The following TCF4 variants were observed in gnomAD, a reference collection of about 807,000 sequenced individuals.
The protein encoded by TCF4 is SL3-3 enhancer factor 2.
Under a neutral mutation model 82.1 loss-of-function variants are expected in TCF4, and 3 were observed. The observed-to-expected ratio is 0.04, with a 90% confidence interval of 0.02 to 0.09. TCF4 has a LOEUF of 0.09. Among genes scored for constraint, TCF4 ranks in the 10% least tolerant of loss-of-function variants. TCF4 has a pLI of 1.00. For missense variants in TCF4, 518 were observed against 852.7 expected, an observed-to-expected ratio of 0.61 and a Z score of 4.89; for synonymous variants, 276 against 309.6, an observed-to-expected ratio of 0.89 and a Z score of 1.14.
At chr18:55,533,705 T>A (rs551880209) in intron 3 of TCF4, among the ~76,000 whole-genome samples, 6 of 152,342 alleles carry the variant, frequency 3.9e-5, no homozygotes, top group African/African-American at 1.2e-4. Flanking sequence ...ACAAAAACAG[T>A]ACAACACAAG....
intron 5 of TCF4, among the ~76,000 whole-genome samples, chr18:55,428,934 A>G (rs1429290232): frequency 6.6e-6 from 1 of 152,188 alleles, no homozygotes; most frequent in Non-Finnish European, 1.5e-5. Context: ...AAGATATATA[A>G]CATCTTAATA....
chr18:55,438,834 C>T (rs936220081), intron 5 of TCF4, among the ~76,000 whole-genome samples: 11 of 152,134 alleles, frequency 7.2e-5, no homozygotes, highest in Admixed American at 3.3e-4. Context: ...AAGAAGGGAC[C>T]GAAGTGAAGC....
chr18:55,482,760 T>C (rs1323009528), intron 3 of TCF4: 2 of 152,178 alleles, frequency 1.3e-5, no homozygotes, highest in Admixed American at 6.5e-5. Context: ...AAGTACTTCA[T>C]TGGCCCTTCT....
intron 15 of TCF4, among the ~76,000 whole-genome samples, 177 bp downstream of exon 15, chr18:55,254,320 C>T (rs971906917): frequency 1.3e-5 from 2 of 152,160 alleles, no homozygotes; most frequent in Admixed American, 1.3e-4. Context: ...GTGATGGTTG[C>T]ACAACCTTGT....
At chr18:55,473,542 C>T (rs2096230865) in intron 3 of TCF4, among the ~76,000 whole-genome samples, 1 of 152,156 alleles carries the variant, frequency 6.6e-6, no homozygotes, top group Non-Finnish European at 1.5e-5. Context: ...AACTGATTTT[C>T]ATTTTACCCT....
chr18:55,571,752 GTTA>G (rs2097471961), intron 3 of TCF4, among the ~76,000 whole-genome samples: 1 of 138,000 alleles, frequency 7.2e-6, no homozygotes, highest in Non-Finnish European at 1.6e-5. Context: ...TTTTTTTTTT[GTTA>G]TTATATGTTT....
Position 55,537,715 on chromosome 18 carries a change from A to T in TCF4, c.145+47565T>A, listed in dbSNP as rs375692266. 5.1e-4 allele frequency among the ~76,000 whole-genome samples: 77 copies of T among 152,242 alleles called. 2 individuals carry two copies. In the South Asian group the frequency reaches 0.015, roughly 30 times the overall value. On this transcript the variant is annotated intron_variant, in intron 3 of 19. Transcript: ENST00000354452. ...CGGAGTGTGTCTTTACATTAGTTGC[A>T]GTGGTCAAGGATCTTAAGAATTAAA...
chr18:55,619,374 C>T (rs988165775), intron 2 of TCF4, among the ~76,000 whole-genome samples: 13 of 152,118 alleles, frequency 8.5e-5, no homozygotes, highest in East Asian at 1.9e-4. Context: ...TTATGGAATA[C>T]GTAGTGCTGT....
chr18:55,623,717 T>A (rs1215950602), intron 2 of TCF4, among the ~76,000 whole-genome samples: 1 of 152,166 alleles, frequency 6.6e-6, no homozygotes, highest in Non-Finnish European at 1.5e-5. Context: ...GGCATAAATT[T>A]TCGGTACAGC....
intron 6 of TCF4, among the ~76,000 whole-genome samples, chr18:55,353,217 C>T (rs562243439): frequency 5.3e-5 from 8 of 152,250 alleles, no homozygotes; most frequent in South Asian, 4.2e-4. Context: ...TAGCAGCATT[C>T]ACAATAGAGC....
intron 3 of TCF4, among the ~76,000 whole-genome samples, chr18:55,542,435 A>G (rs1295216265): frequency 6.6e-6 from 1 of 151,988 alleles, no homozygotes; most frequent in Non-Finnish European, 1.5e-5. Context: ...TAGGAAAAGA[A>G]TCTATAAACT....
chr18:55,442,699 A>T (rs939539495), intron 5 of TCF4, among the ~76,000 whole-genome samples: 1 of 152,218 alleles, frequency 6.6e-6, no homozygotes, highest in Non-Finnish European at 1.5e-5. Flanking sequence ...GATACAATGA[A>T]ATCTGAGATC....
chr18:55,593,248 CATT>C (rs2097687505), upstream of TCF4, among the ~76,000 whole-genome samples: 1 of 151,404 alleles, frequency 6.6e-6, no homozygotes, highest in Admixed American at 6.6e-5. Context: ...GCAAGTTTCA[CATT>C]ATGTCAGATG....
At chr18:55,570,697 C>T (rs1370467572) in intron 3 of TCF4, among the ~76,000 whole-genome samples, 1 of 151,988 alleles carries the variant, frequency 6.6e-6, no homozygotes, top group African/African-American at 2.4e-5. Flanking sequence ...GCCCGGGCAA[C>T]ATGGTGAAAC....
In TCF4 at chr18:55,502,161, C is replaced by G. The variant is rs142591309; in HGVS notation, c.146-38024G>C. On this transcript the variant is annotated intron_variant, in intron 3 of 19. Transcript: ENST00000354452. The stretch of plus-strand genomic sequence containing the variant: ...ACCTGGAATTTCCAGGAATGCATGA[C>G]GATGAAAAGTTTCTATTTCTGATAT... Among the ~76,000 whole-genome samples the G allele has an allele frequency of 5.0e-4, 76 of 152,282 alleles. 1 individual carries two copies. The East Asian group carries it at 0.012, about 23-fold the overall frequency.
At chr18:55,337,017 A>G (rs952254911) in intron 8 of TCF4, among the ~76,000 whole-genome samples, 4 of 152,210 alleles carry the variant, frequency 2.6e-5, no homozygotes, top group African/African-American at 7.2e-5. Flanking sequence ...AACATTTAAA[A>G]TGTAAGAAAA....
At chr18:55,415,538 CA>C (rs1321783040) in intron 5 of TCF4, among the ~76,000 whole-genome samples, 1 of 152,162 alleles carries the variant, frequency 6.6e-6, no homozygotes, top group Admixed American at 6.5e-5. Flanking sequence ...TAAGTCTCAC[CA>C]AATCTGTATG....
intron 8 of TCF4, among the ~76,000 whole-genome samples, chr18:55,301,440 A>G (rs1315432523): frequency 6.6e-6 from 1 of 152,130 alleles, no homozygotes; most frequent in Non-Finnish European, 1.5e-5. Context: ...AGTTTCACAA[A>G]CCAAGGCTCA....
At chr18:55,228,777 C>T (rs547644865) in intron 18 of TCF4, 70 bp downstream of exon 18, 69 of 1,503,040 alleles carry the variant, frequency 4.6e-5, no homozygotes, top group Admixed American at 2.8e-4. Context: ...TCAAGACTGG[C>T]GTGCCCATCT....
Sources: allele counts gnomAD v4.1 joint callset (sites outside exome capture counted in the v4.1 genomes callset), GRCh38; gene constraint gnomAD v4.1.1; transcripts MANE v1.5; gene names NCBI Gene and HGNC (gene_info 2026-07-23, HGNC 2026-07-21).